ZDHHC7: variants seen among roughly 807,000 people sequenced by gnomAD.
ZDHHC7 encodes palmitoyltransferase ZDHHC7.
A neutral mutation model predicts 34.1 loss-of-function variants in ZDHHC7; 12 were observed. The ratio of observed to expected loss-of-function variants is 0.35; its 90% CI spans 0.23 to 0.57. The LOEUF is 0.57. ZDHHC7 is among the 20% of genes least tolerant of loss of function. ZDHHC7 has a pLI of 0.84. For missense variants in ZDHHC7, 388 were observed against 402.7 expected (o/e 0.96, Z 0.31); for synonymous variants, 185 against 155.4 (o/e 1.19, Z -1.42).
At chr16:84,985,999 C>A (rs531173003) in intron 3 of ZDHHC7, among the ~76,000 whole-genome samples, 35 of 142,498 alleles carry the variant, frequency 2.5e-4, no homozygotes, top group African/African-American at 8.3e-4. Flanking sequence ...TTGAGGAAAT[C>A]TGAACTCTAA....
rs374930419 is a variant in ZDHHC7 at position 84,990,417 on chromosome 16, C to T, written c.202G>A (p.Val68Ile). The T allele has an allele frequency of 7.4e-6, 12 of 1,614,002 alleles. No individual in the cohort carries two copies. In the East Asian group the frequency reaches 8.9e-5, roughly 12 times the overall value. ...VAYADFVVTF[V>I]MLLPSKDFWY... is the part of the protein sequence containing the mutation. ...AAGTCTTTGGAAGGCAGCAGCATGA[C>T]GAAAGTCACCACGAAGTCTGCATAG... Residue 68 changes from valine to isoleucine, a missense_variant, in exon 3 of 8, where the codon GTC (valine) becomes ATC (isoleucine). Val to Ile is a conservative substitution (Grantham distance 29). Transcript: ENST00000313732.
At chr16:84,998,691 A>G (rs1241771680) in intron 1 of ZDHHC7, among the ~76,000 whole-genome samples, 1 of 151,396 alleles carries the variant, frequency 6.6e-6, no homozygotes, top group Non-Finnish European at 1.5e-5. Flanking sequence ...GGCCCTAGAC[A>G]AACACTGACA....
At position 84,985,008 on chromosome 16, in the gene ZDHHC7, G is replaced by A. The variant is rs902199008; in HGVS notation, c.316-3014C>T. On this transcript the variant is annotated intron_variant, in intron 3 of 7. Transcript: ENST00000313732. ...ACCAGAACAAACCTTCCAAGTAATT[G>A]AGCACATTCCTCAGTTCCCATTTTA... is the stretch of plus-strand genomic sequence containing the variant. Among the ~76,000 whole-genome samples the A allele has an allele frequency of 5.9e-5, 9 of 152,152 alleles. No individual in the cohort carries two copies. In the East Asian group the frequency reaches 1.3e-3, roughly 23 times the overall value.
intron 1 of ZDHHC7, among the ~76,000 whole-genome samples, 188 bp from the exon 2 acceptor site, chr16:84,996,195 T>C (rs1033887122): frequency 1.3e-5 from 2 of 152,246 alleles, no homozygotes; most frequent in African/African-American, 2.4e-5. Context: ...TTCACAATCC[T>C]GGAAATCAAG....
At chr16:84,989,422 G>A (rs1235299636) in intron 3 of ZDHHC7, among the ~76,000 whole-genome samples, 3 of 152,202 alleles carry the variant, frequency 2.0e-5, no homozygotes, top group East Asian at 1.9e-4. Flanking sequence ...CTGGTCAGGC[G>A]CGATGGCTCA....
At chr16:84,999,530 A>C (rs1232415542) in intron 1 of ZDHHC7, among the ~76,000 whole-genome samples, 3 of 152,234 alleles carry the variant, frequency 2.0e-5, no homozygotes, top group Admixed American at 2.0e-4. Context: ...ACTTCTGAGC[A>C]AAAAAGCAGG....
At chr16:84,983,445 G>T (rs2016950404) in intron 3 of ZDHHC7, among the ~76,000 whole-genome samples, 1 of 152,132 alleles carries the variant, frequency 6.6e-6, no homozygotes, top group African/African-American at 2.4e-5. Context: ...AGAGACTGCT[G>T]CCCGCTGGAT....
At chr16:84,984,247 C>A (rs1345212129) in intron 3 of ZDHHC7, among the ~76,000 whole-genome samples, 2 of 152,106 alleles carry the variant, frequency 1.3e-5, no homozygotes, top group Non-Finnish European at 2.9e-5. Context: ...TCTCGAACTC[C>A]TGACCTCAGG....
intron 3 of ZDHHC7, among the ~76,000 whole-genome samples, chr16:84,985,569 AGATT>A (rs2072425651): frequency 6.6e-6 from 1 of 152,244 alleles, no homozygotes; most frequent in South Asian, 2.1e-4. Context: ...GGGACCAGAG[AGATT>A]AATTAAAAGA....
At chr16:85,014,550 T>C (rs1406818406), upstream of ZDHHC7, among the ~76,000 whole-genome samples, 1 of 152,204 alleles carries the variant, frequency 6.6e-6, no homozygotes, top group East Asian at 1.9e-4. Context: ...AGGTCTCTCC[T>C]AGTCAACTAC....
chr16:85,008,719 TTTTGAC>T (rs1175008081), intron 1 of ZDHHC7, among the ~76,000 whole-genome samples: 2 of 151,184 alleles, frequency 1.3e-5, no homozygotes, highest in Non-Finnish European at 2.9e-5. Flanking sequence ...AAAATGACAG[TTTTGAC>T]TTTATGTTCT....
chr16:85,007,755 G>A (rs2072737021), intron 1 of ZDHHC7, among the ~76,000 whole-genome samples: 1 of 152,028 alleles, frequency 6.6e-6, no homozygotes, highest in South Asian at 2.1e-4. Flanking sequence ...TGTTCTAGAA[G>A]GGACAGTCAT....
chr16:85,011,417 G>T lies in ZDHHC7; in HGVS notation c.-235C>A. On this transcript the variant is annotated 5_prime_UTR_variant, in exon 1 of 8. Coordinates refer to ENST00000313732, the MANE Select transcript of ZDHHC7 (RefSeq NM_017740.3). Reference sequence around the variant, plus strand: ...ATGGCCGGGCTGGAGCGGGCCCCGCGGCTCGGCTCGGCTTGGTCCCCTGGG... The same window carrying T: ...ATGGCCGGGCTGGAGCGGGCCCCGCTGCTCGGCTCGGCTTGGTCCCCTGGG... The T allele has an allele frequency of 6.6e-6, 1 of 152,274 alleles. No individual in the cohort carries two copies. Among genetic ancestry groups the T allele is most frequent in the South Asian group, 1.8e-4 (1 of 5,420 alleles). The allele number at this position is 152,274 out of a possible 1,614,324, so 9.4% of individuals were successfully genotyped here.
At chr16:85,005,063 C>T (rs1054697431) in intron 1 of ZDHHC7, 12 of 152,316 alleles carry the variant, frequency 7.9e-5, no homozygotes, top group African/African-American at 2.9e-4. Context: ...CACAACCTAA[C>T]TTTGACAGTC....
the ZDHHC7 span, among the ~76,000 whole-genome samples, chr16:85,025,654 C>T: frequency 6.6e-6 from 1 of 152,170 alleles, no homozygotes; most frequent in African/African-American, 2.4e-5. Context: ...ATGATCCGCC[C>T]GCCTCGACCT....
chr16:84,977,957 G>C lies in ZDHHC7; in HGVS notation c.586C>G (p.Gln196Glu), dbSNP rs2072319728. The C allele has an allele frequency of 6.2e-7, 1 of 1,613,954 alleles. No individual in the cohort carries two copies. Among genetic ancestry groups the C allele is most frequent in the Admixed American group, 1.7e-5 (1 of 60,002 alleles). ...SVHALILCGF[Q>E]FISCVRGQWT... ...TGCCCTCGGACACAGGAGATGAACTGAAATCCACAAAGGATCAGAGCATGG... is the reference window on the plus strand; with the variant it reads ...TGCCCTCGGACACAGGAGATGAACTCAAATCCACAAAGGATCAGAGCATGG... The change falls in exon 6 of 8, where the codon CAG becomes GAG. Residue 196 changes from glutamine to glutamate, a missense_variant. Coordinates refer to ENST00000313732, the MANE Select transcript of ZDHHC7 (RefSeq NM_017740.3).
rs972291885 is a variant in ZDHHC7, at chr16:84,990,159, C to A, written c.315+145G>T. 3.2e-6 allele frequency: 3 copies of A among 952,276 alleles called. No homozygotes were observed. The South Asian group carries it at 5.1e-5, about 16-fold the overall frequency. 59.0% of individuals were successfully genotyped at this position (952,276 alleles called of 1,614,324 possible). A position where few individuals can be genotyped will look rare whatever the true frequency, so the allele number is the denominator to read the frequency against. The stretch of plus-strand genomic sequence containing the variant: ...TTATTCTCAGCCTAAAGGGAATCTG[C>A]TCCCAAAATGAGCTCAATCCACCTT... On this transcript the variant is annotated intron_variant, in intron 3 of 7. Coordinates refer to ENST00000313732, the MANE Select transcript of ZDHHC7 (RefSeq NM_017740.3).
At chr16:84,993,056 G>T (rs1328721125) in intron 2 of ZDHHC7, among the ~76,000 whole-genome samples, 1 of 152,106 alleles carries the variant, frequency 6.6e-6, no homozygotes, top group Non-Finnish European at 1.5e-5. Context: ...TTTAAGGCTG[G>T]GTGCAGTGGC....
chr16:85,018,875 T>C, the ZDHHC7 span, among the ~76,000 whole-genome samples: 1 of 152,166 alleles, frequency 6.6e-6, no homozygotes, highest in Non-Finnish European at 1.5e-5. Context: ...ACCGAGTTTG[T>C]GGTGTTGAGT....
Sources: gnomAD v4.1 joint callset for allele counts (sites outside exome capture counted in the v4.1 genomes callset) on GRCh38, gnomAD v4.1.1 for gene constraint, MANE v1.5 for transcripts, NCBI Gene and HGNC (gene_info 2026-07-23, HGNC 2026-07-21) for gene names.